TTC23: variants seen among roughly 807,000 people sequenced by gnomAD.
TTC23 encodes tetratricopeptide repeat domain 23, also known as tetratricopeptide repeat protein 23.
Under a neutral mutation model 55.1 loss-of-function variants are expected in TTC23, and 58 were observed. The ratio of observed to expected loss-of-function variants is 1.05; its 90% CI spans 0.85 to 1.31. The LOEUF is 1.31. TTC23 is among the 50% of genes most tolerant of loss of function. The pLI is 0.00. For missense variants in TTC23, 516 were observed against 534.4 expected (o/e 0.97, Z 0.34); for synonymous variants, 203 against 199.9 (o/e 1.02, Z -0.13).
Position 99,217,064 on chromosome 15 carries a change from CT to C in TTC23, c.581+1523del, listed in dbSNP as rs1567511387. ...TTATACAGGAACCAGAAGCAATGAA[CT>C]AAAATCCAGGCAACAACCAAAACGT... On this transcript the variant is annotated intron_variant, in intron 8 of 13. Transcript: ENST00000394132. 5.9e-5 allele frequency among the ~76,000 whole-genome samples: 9 copies of C among 152,182 alleles called. No homozygotes were observed. In the South Asian group the frequency reaches 1.7e-3, roughly 28 times the overall value.
chr15:99,177,527 A>T (rs1298871860), intron 9 of TTC23, among the ~76,000 whole-genome samples: 1 of 152,160 alleles, frequency 6.6e-6, no homozygotes, highest in African/African-American at 2.4e-5. Flanking sequence ...AAAAAGAGGA[A>T]ATACCCACAC....
At chr15:99,218,194 G>A (rs920092718) in intron 8 of TTC23, among the ~76,000 whole-genome samples, 17 of 152,186 alleles carry the variant, frequency 1.1e-4, no homozygotes, top group African/African-American at 4.1e-4. Context: ...ATTCAGATGT[G>A]TTTAAGATCT....
chr15:99,197,104 C>T (rs925435662), intron 9 of TTC23, among the ~76,000 whole-genome samples: 5 of 142,282 alleles, frequency 3.5e-5, no homozygotes, highest in African/African-American at 7.7e-5. Context: ...GGTTTCTGTT[C>T]TTTTTTTTTT....
rs557461817 is a variant in TTC23, at chr15:99,195,538, G to A, written c.759+4381C>T. 5.9e-4 allele frequency among the ~76,000 whole-genome samples: 90 copies of A among 152,302 alleles called. 3 individuals are homozygous for A. The South Asian group carries it at 0.018, about 31-fold the overall frequency. On this transcript the variant is annotated intron_variant, in intron 9 of 13. Coordinates refer to ENST00000394132, the MANE Select transcript of TTC23 (RefSeq NM_001288615.3). ...AGCCATTTTGGAAGGCAGTTTGGTG[G>A]TTTCTTACAAAACTAGTGGTTGCCA... is the stretch of plus-strand genomic sequence containing the variant.
chr15:99,208,066 C>G (rs1331466435), intron 8 of TTC23, among the ~76,000 whole-genome samples: 1 of 151,960 alleles, frequency 6.6e-6, no homozygotes, highest in African/African-American at 2.4e-5. Flanking sequence ...ACATGTTCAC[C>G]CTCATCAAAA....
rs1019962590 is a variant in TTC23, at chr15:99,208,925, G to A, written c.582-8829C>T. Among the ~76,000 whole-genome samples, 3 of 152,092 alleles carry A rather than the reference G, an allele frequency of 2.0e-5. No individual in the cohort carries two copies. In the East Asian group the frequency reaches 5.8e-4, roughly 29 times the overall value. ...GGCTACCTGCCAGGGATGATTTGAG[G>A]ATTTATTATCTAGTGTATCCACAAT... is the stretch of plus-strand genomic sequence containing the variant. On this transcript the variant is annotated intron_variant, in intron 8 of 13. Coordinates refer to ENST00000394132, the MANE Select transcript of TTC23 (RefSeq NM_001288615.3).
chr15:99,181,024 G>C (rs1385889926), intron 9 of TTC23, among the ~76,000 whole-genome samples: 1 of 151,270 alleles, frequency 6.6e-6, no homozygotes, highest in Non-Finnish European at 1.5e-5. Flanking sequence ...CCACTTACCA[G>C]TTCACTCAGT....
Position 99,218,913 on chromosome 15 carries a change from A to G in TTC23, c.440T>C (p.Leu147Ser). The G allele has an allele frequency of 6.2e-7, 1 of 1,613,914 alleles. No individual in the cohort carries two copies. Among genetic ancestry groups the G allele is most frequent in the Non-Finnish European group, 8.5e-7 (1 of 1,179,852 alleles). Reference protein sequence around the residue: ...IELFHTMGRALLSLQKFKEAA... With the variant: ...IELFHTMGRASLSLQKFKEAA... ...AAAAGGATACTTTTGAAGGGAGAGT[A>G]AAGCTCTGCCCATGGTATGGAAAAG... The change falls in exon 7 of 14, where the codon TTA (leucine) becomes TCA (serine). Residue 147 changes from leucine to serine, a missense_variant. By Grantham distance (145) the Leu-to-Ser change is moderately radical (BLOSUM62 -2). Coordinates refer to ENST00000394132, the MANE Select transcript of TTC23 (RefSeq NM_001288615.3).
At chr15:99,157,671 T>C (rs1404261857) in intron 11 of TTC23, 1 of 152,244 alleles carries the variant, frequency 6.6e-6, no homozygotes, top group Non-Finnish European at 1.5e-5. Context: ...TTTAGGAAAC[T>C]GAAAGTAAAC....
Position 99,199,930 on chromosome 15 carries a change from G to C in TTC23, c.748C>G (p.His250Asp), listed in dbSNP as rs146790860. ...ACCTTGTAGCTTACCTGGAGGAAGT[G>C]GTTGATGGATACATCGTGGAGTCCC... ...ALGLHDVSINHFLQAHLIILS... is the reference protein window; with the variant it reads ...ALGLHDVSINDFLQAHLIILS... Residue 250 changes from histidine to aspartate, a missense_variant, in exon 9 of 14, where the codon CAC (histidine) becomes GAC (aspartate). Physicochemically the swap from His to Asp is moderately conservative, Grantham distance 81. Transcript: ENST00000394132. The C allele has an allele frequency of 2.0e-5, 33 of 1,610,746 alleles. No individual in the cohort carries two copies. Among genetic ancestry groups the C allele is most frequent in the Middle Eastern group, 3.3e-4 (2 of 6,074 alleles).
At chr15:99,176,402 G>A (rs1464646502) in intron 9 of TTC23, among the ~76,000 whole-genome samples, 6 of 152,206 alleles carry the variant, frequency 3.9e-5, no homozygotes, top group African/African-American at 1.4e-4. Context: ...CTAGAGCTCA[G>A]GAGTTCAAGA....
intron 5 of TTC23, 108 bp from the exon 6 acceptor site, chr15:99,221,972 T>G: frequency 2.3e-6 from 3 of 1,286,192 alleles, no homozygotes; most frequent in Non-Finnish European, 3.2e-6. Flanking sequence ...GACTACTATG[T>G]GCAAAACATT....
At chr15:99,164,107 G>A (rs576026908) in intron 10 of TTC23, among the ~76,000 whole-genome samples, 1 of 152,324 alleles carries the variant, frequency 6.6e-6, no homozygotes, top group Non-Finnish European at 1.5e-5. Flanking sequence ...TGGAAATCCT[G>A]AACCAAGAAA....
chr15:99,146,938 G>A (rs8038677), intron 12 of TTC23, among the ~76,000 whole-genome samples: 24,667 of 152,026 alleles, frequency 0.16, 2,950 homozygotes, highest in African/African-American at 0.34. Flanking sequence ...TTTTTGAGAC[G>A]GAGTCTCGCT....
In TTC23 at chr15:99,175,648, G is replaced by C. The variant is rs561663505; in HGVS notation, c.760-493C>G. ...CCTGCACCCTCTACAAACTTGCTCA[G>C]GGGAGCTGCCCAAGCACAGAAAGCA... is the stretch of plus-strand genomic sequence containing the variant. On this transcript the variant is annotated intron_variant, in intron 9 of 13. Coordinates refer to ENST00000394132, the MANE Select transcript of TTC23 (RefSeq NM_001288615.3). Among the ~76,000 whole-genome samples the C allele has an allele frequency of 7.2e-5, 11 of 152,314 alleles. No individual in the cohort carries two copies. In the South Asian group the frequency reaches 2.3e-3, roughly 32 times the overall value.
chr15:99,241,303 G>A (rs922023274), intron 3 of TTC23, 62 bp downstream of exon 3: 4 of 152,860 alleles, frequency 2.6e-5, no homozygotes, highest in South Asian at 2.1e-4. Flanking sequence ...CAACAAGAGC[G>A]AAACTGTCTC....
intron 10 of TTC23, among the ~76,000 whole-genome samples, chr15:99,168,502 A>T (rs2072462187): frequency 6.6e-6 from 1 of 152,208 alleles, no homozygotes; most frequent in African/African-American, 2.4e-5. Flanking sequence ...TCCTTTTTGA[A>T]GCCAAGTCGG....
In TTC23 at chr15:99,176,323, A is replaced by G. The variant is rs182640626; in HGVS notation, c.760-1168T>C. ...AAGAGTGACAGAATACTAAAATGCC[A>G]TGAGTAGGCCAGGCATGGTGGCTCA... is the stretch of plus-strand genomic sequence containing the variant. On this transcript the variant is annotated intron_variant, in intron 9 of 13. Coordinates refer to ENST00000394132, the MANE Select transcript of TTC23 (RefSeq NM_001288615.3). Among the ~76,000 whole-genome samples the G allele has an allele frequency of 2.3e-3, 352 of 152,310 alleles. 1 individual carries two copies. The highest frequency in any genetic ancestry group is 4.0e-3 in the Non-Finnish European group (270 of 68,034).
chr15:99,161,595 G>A, intron 11 of TTC23, 145 bp downstream of exon 11: 2 of 848,608 alleles, frequency 2.4e-6, no homozygotes, highest in Non-Finnish European at 3.5e-6. Flanking sequence ...CCCCAAAGGA[G>A]CCCTAGCCTT....
Sources: gnomAD v4.1 joint callset for allele counts (sites outside exome capture counted in the v4.1 genomes callset) on GRCh38, gnomAD v4.1.1 for gene constraint, MANE v1.5 for transcripts, NCBI Gene and HGNC (gene_info 2026-07-23, HGNC 2026-07-21) for gene names.